Variants in REPS2 observed in about 807,000 individuals in gnomAD.
The protein encoded by REPS2 is RALBP1 associated Eps domain containing 2, also known as ralBP1-associated Eps domain-containing protein 2.
REPS2 carries 23 observed loss-of-function variants against 53.6 expected under a neutral mutation model. The ratio of observed to expected loss-of-function variants is 0.43; its 90% confidence interval spans 0.31 to 0.61. REPS2 has a LOEUF of 0.61. Ranked by LOEUF, REPS2 falls within the 20% of genes least tolerant of loss-of-function variation. REPS2 has a pLI of 0.11. For synonymous variants in REPS2, 238 were observed against 218.6 expected, an observed-to-expected ratio of 1.09 and a Z score of -0.78; for missense variants, 446 against 534.9, an observed-to-expected ratio of 0.83 and a Z score of 1.64.
the REPS2 span, among the ~76,000 whole-genome samples, chrX:17,181,625 T>C: frequency 1.8e-5 from 2 of 112,356 alleles, no homozygotes; most frequent in African/African-American, 6.5e-5. Flanking sequence ...CCAATTCAAA[T>C]TGCCATCTAT....
intron 5 of REPS2, among the ~76,000 whole-genome samples, chrX:17,045,641 T>C (rs2061895237): frequency 9.2e-6 from 1 of 108,806 alleles, no homozygotes; most frequent in African/African-American, 3.4e-5. Flanking sequence ...CCTACAGCTC[T>C]CAACCTCTTT....
chrX:17,097,747 A>G (rs1163521693), intron 13 of REPS2, among the ~76,000 whole-genome samples: 1 of 111,920 alleles, frequency 8.9e-6, no homozygotes, highest in Non-Finnish European at 1.9e-5. Context: ...TGCAGAGATT[A>G]AAATAATAAT....
In REPS2 at chrX:17,054,884, C is replaced by A. The variant is rs749811885; in HGVS notation, c.1048C>A (p.Arg350=). Residue 350 remains arginine (R), a synonymous_variant, in exon 8 of 18, where the codon CGG becomes AGG. Coordinates refer to ENST00000357277, the MANE Select transcript of REPS2 (RefSeq NM_004726.3). ...TGCTGCGTTTCATCTCATTGTGGCT[C>A]GGAAGAACGGCTACCCATTGCCTGA... ...FCAAFHLIVA[R]KNGYPLPEGL... 1 of 1,211,461 alleles carries A rather than the reference C, an allele frequency of 8.3e-7. No individual in the cohort carries two copies.
At chrX:17,054,723 T>A in intron 7 of REPS2, 85 bp from the exon 8 acceptor site, 1 of 1,019,263 alleles carries the variant, frequency 9.8e-7, no homozygotes, top group South Asian at 2.2e-5. Flanking sequence ...CACCACAGAG[T>A]CTGGGAGTTT....
the REPS2 span, among the ~76,000 whole-genome samples, chrX:17,174,566 A>G: frequency 1.8e-5 from 2 of 112,151 alleles, no homozygotes; most frequent in African/African-American, 3.2e-5. Context: ...AGGAAGCAAC[A>G]TTCAGTTCTT....
intron 1 of REPS2, among the ~76,000 whole-genome samples, chrX:16,970,154 T>G (rs1357302009): frequency 2.7e-5 from 3 of 111,029 alleles, no homozygotes; most frequent in African/African-American, 9.8e-5. Context: ...GCAATTATTA[T>G]TGTTATTTTT....
chrX:16,962,497 G>A (rs1460653358), intron 1 of REPS2, among the ~76,000 whole-genome samples: 2 of 111,262 alleles, frequency 1.8e-5, no homozygotes, highest in African/African-American at 6.5e-5. Flanking sequence ...ATAGAACCAC[G>A]GTTACCAAGG....
At chrX:17,188,982 G>A in the REPS2 span, among the ~76,000 whole-genome samples, 1 of 112,307 alleles carries the variant, frequency 8.9e-6, no homozygotes, top group Admixed American at 9.4e-5. Context: ...TAGGCACAGA[G>A]TAGTTAAGTG....
chrX:17,191,863 C>G, the REPS2 span, among the ~76,000 whole-genome samples: 2 of 111,878 alleles, frequency 1.8e-5, no homozygotes, highest in Admixed American at 9.4e-5. Context: ...TCAGTGGTTG[C>G]AGGGTTTAAG....
intron 1 of REPS2, among the ~76,000 whole-genome samples, chrX:16,953,145 A>AC (rs2060543617): frequency 4.3e-5 from 4 of 92,006 alleles, no homozygotes; most frequent in African/African-American, 8.2e-5. Context: ...ACACACACAC[A>AC]AACACACAAA....
rs1170776719 is a variant in REPS2 at position 16,947,022 on chromosome X, G to A, written c.161G>A (p.Gly54Glu). 4.1e-6 allele frequency: 4 copies of A among 971,388 alleles called. No individual in the cohort carries two copies. The highest frequency in any genetic ancestry group is 3.9e-5 in the South Asian group (1 of 25,460). The allele number at this position is 971,388 out of a possible 1,213,427, so 80.1% of individuals were successfully genotyped here. The part of the protein sequence containing the change: ...RCAGAAGGGP[G>E]SGPPEAARVA... ...GCCGGCGCCGCGGGCGGGGGCCCCG[G>A]GTCTGGGCCCCCCGAGGCCGCCAGA... Residue 54 changes from glycine to glutamate, a missense_variant, in exon 1 of 18, where the codon GGG (glycine) becomes GAG (glutamate). Physicochemically the swap from Gly to Glu is moderately conservative, Grantham distance 98. Coordinates refer to ENST00000357277, the MANE Select transcript of REPS2 (RefSeq NM_004726.3).
chrX:17,100,258 T>G (rs1477872444), intron 13 of REPS2: 1 of 568,001 alleles, frequency 1.8e-6, no homozygotes, highest in Non-Finnish European at 3.1e-6. Context: ...CCACCACATA[T>G]TCCTGTTCCT....
At chrX:17,027,303 A>G in intron 4 of REPS2, among the ~76,000 whole-genome samples, 1 of 112,534 alleles carries the variant, frequency 8.9e-6, no homozygotes, top group Non-Finnish European at 1.9e-5. Context: ...AACACACAGA[A>G]TGACTGACTG....
intron 1 of REPS2, among the ~76,000 whole-genome samples, chrX:16,980,714 T>A (rs2061010772): frequency 8.9e-6 from 1 of 112,484 alleles, no homozygotes; most frequent in Admixed American, 9.4e-5. Flanking sequence ...GCTTCCCTTG[T>A]AATCATATAT....
chrX:17,108,484 T>G (rs1205135379), intron 14 of REPS2, among the ~76,000 whole-genome samples: 3 of 111,714 alleles, frequency 2.7e-5, no homozygotes, highest in African/African-American at 9.8e-5. Flanking sequence ...TTTGTGTTTA[T>G]TCTGTAGGTC....
chrX:16,971,780 C>A (rs1416638964), intron 1 of REPS2, among the ~76,000 whole-genome samples: 1 of 112,142 alleles, frequency 8.9e-6, no homozygotes, highest in African/African-American at 3.2e-5. Context: ...ACAAACTGTT[C>A]TTTTCCTAAT....
Position 17,151,628 on chromosome X carries a change from G to A in REPS2, c.*4147G>A, listed in dbSNP as rs779570563. On this transcript the variant is annotated 3_prime_UTR_variant, in exon 18 of 18. Coordinates refer to ENST00000357277, the MANE Select transcript of REPS2 (RefSeq NM_004726.3). ...AAAAATAAAAAGAAAACAATATAACGTATCATGGCAACCAGAGCTTCCCAT... is the reference window on the plus strand; with the variant it reads ...AAAAATAAAAAGAAAACAATATAACATATCATGGCAACCAGAGCTTCCCAT... 17 of 112,243 alleles carry A rather than the reference G, an allele frequency of 1.5e-4. No individual in the cohort carries two copies. Among genetic ancestry groups the A allele is most frequent in the Middle Eastern group, 4.6e-3 (1 of 217 alleles). 9.3% of individuals were successfully genotyped at this position (112,243 alleles called of 1,213,427 possible).
Position 17,147,700 on chromosome X carries a change from CA to C in REPS2, c.*220del, listed in dbSNP as rs1227948104. 1 of 306,148 alleles carries C rather than the reference CA, an allele frequency of 3.3e-6. No homozygotes were observed. Among genetic ancestry groups the C allele is most frequent in the Non-Finnish European group, 5.7e-6 (1 of 174,967 alleles). 25.2% of individuals were successfully genotyped at this position (306,148 alleles called of 1,213,427 possible). A position where few individuals can be genotyped will look rare whatever the true frequency, so the allele number is the denominator to read the frequency against. On this transcript the variant is annotated 3_prime_UTR_variant, in exon 18 of 18. Transcript: ENST00000357277. ...TTATCACACTTGAAATGCTAATTATCAGTGGAATTTGTCTCCTATTCTTAAG... is the reference window on the plus strand; with the variant it reads ...TTATCACACTTGAAATGCTAATTATCGTGGAATTTGTCTCCTATTCTTAAG...
chrX:16,969,171 G>A (rs1227436290), intron 1 of REPS2, among the ~76,000 whole-genome samples: 55 of 105,940 alleles, frequency 5.2e-4, no homozygotes, highest in Non-Finnish European at 9.0e-4. Context: ...ATGGGATGGC[G>A]GCCGGGAAGA....
Sources: gnomAD v4.1 joint callset for allele counts (sites outside exome capture counted in the v4.1 genomes callset) on GRCh38, gnomAD v4.1.1 for gene constraint, MANE v1.5 for transcripts, NCBI Gene and HGNC (gene_info 2026-07-23, HGNC 2026-07-21) for gene names.